SLC2A4: variants seen among roughly 807,000 people sequenced by gnomAD.
SLC2A4 encodes solute carrier family 2 member 4.
SLC2A4 carries 31 observed loss-of-function variants against 53.3 expected under a neutral mutation model. That is an observed-to-expected ratio of 0.58 (90% CI 0.44 to 0.78). The LOEUF (loss-of-function observed/expected upper bound fraction) is 0.78, where lower values mean the gene tolerates loss of function less well. SLC2A4 is among the 30% of genes least tolerant of loss of function. The pLI, the probability that SLC2A4 is intolerant of heterozygous loss-of-function variation, is 0.00. For missense variants in SLC2A4, 538 were observed against 655.7 expected (o/e 0.82, Z 1.96); for synonymous variants, 276 against 281.9 (o/e 0.98, Z 0.21).
In SLC2A4 at chr17:7,285,912, G is replaced by A. The variant is rs374027914; in HGVS notation, c.1326+4G>A. 2 of 1,610,542 alleles carry A rather than the reference G, an allele frequency of 1.2e-6. No homozygotes were observed. The highest frequency in any genetic ancestry group is 2.7e-5 in the African/African-American group (2 of 74,808). On this transcript the variant is annotated splice_donor_region_variant and intron_variant, in intron 10 of 10. Transcript: ENST00000317370. This position sits in a 1 kb window ranked among gnomAD's most constrained non-coding sequence, Gnocchi z 6.0. Reference sequence around the variant, plus strand: ...CATGGGTTTCCAGTATGTTGCGGTAGGTCCCCCCGCCCCAGCCTCCCACAC... The same window carrying A: ...CATGGGTTTCCAGTATGTTGCGGTAAGTCCCCCCGCCCCAGCCTCCCACAC...
At position 7,282,096 on chromosome 17, in the gene SLC2A4, A is replaced by G. The variant is rs1369961136; in HGVS notation, c.33+129A>G. On this transcript the variant is annotated intron_variant, in intron 1 of 10. Transcript: ENST00000317370. This position sits in a 1 kb window ranked among gnomAD's most constrained non-coding sequence, Gnocchi z 4.1. ...AGGGGGTGAAGGTAGGGGGCTGGCTATTTATACCCGGCCTGGACAACCCGT... is the reference window on the plus strand; with the variant it reads ...AGGGGGTGAAGGTAGGGGGCTGGCTGTTTATACCCGGCCTGGACAACCCGT... 6.3e-6 allele frequency: 5 copies of G among 790,668 alleles called. No homozygotes were observed. Among genetic ancestry groups the G allele is most frequent in the Non-Finnish European group, 8.6e-6 (4 of 463,572 alleles). 49.0% of individuals were successfully genotyped at this position (790,668 alleles called of 1,614,324 possible). A position where few individuals can be genotyped will look rare whatever the true frequency, so the allele number is the denominator to read the frequency against.
In SLC2A4 at chr17:7,285,619, G is replaced by C. The variant is rs546344129; in HGVS notation, c.1123-86G>C. ...CCCCCTACAAGCTGCTGCGGAGGGG[G>C]TTAGGTTTCACTTCTCTGAGTTGAG... On this transcript the variant is annotated intron_variant, in intron 9 of 10. Coordinates refer to ENST00000317370, the MANE Select transcript of SLC2A4 (RefSeq NM_001042.3). This position sits in a 1 kb window ranked among gnomAD's most constrained non-coding sequence, Gnocchi z 6.0. The C allele has an allele frequency of 1.3e-5, 18 of 1,334,464 alleles. No individual in the cohort carries two copies. Among genetic ancestry groups the C allele is most frequent in the Middle Eastern group, 1.8e-4 (1 of 5,466 alleles). 82.7% of individuals were successfully genotyped at this position (1,334,464 alleles called of 1,614,324 possible).
rs753356046 is a variant in SLC2A4, at chr17:7,283,882, C to A, written c.448+20C>A. 10 of 1,614,154 alleles carry A rather than the reference C, an allele frequency of 6.2e-6. No individual in the cohort carries two copies. The highest frequency in any genetic ancestry group is 8.5e-6 in the Non-Finnish European group (10 of 1,180,014). On this transcript the variant is annotated intron_variant, in intron 4 of 10. Coordinates refer to ENST00000317370, the MANE Select transcript of SLC2A4 (RefSeq NM_001042.3). This position sits in a 1 kb window ranked among gnomAD's most constrained non-coding sequence, Gnocchi z 5.8. ...ACTCAGGTACTCACGGGCACCACAGCCCTGCCTAGCGCCCTGTTCTCTTTC... is the reference window on the plus strand; with the variant it reads ...ACTCAGGTACTCACGGGCACCACAGACCTGCCTAGCGCCCTGTTCTCTTTC...
In SLC2A4 at chr17:7,282,558, TC is replaced by T; in HGVS notation, c.33+595del. On this transcript the variant is annotated intron_variant, in intron 1 of 10. Transcript: ENST00000317370. The surrounding 1 kb of genome is among the most constrained non-coding windows in gnomAD (Gnocchi z 4.1). ...CCCTCACACTACCTTCCTGCCCTCCTCCCCTGGGCATGGCTCTCCCAGGCAG... is the reference window on the plus strand; with the variant it reads ...CCCTCACACTACCTTCCTGCCCTCCTCCCTGGGCATGGCTCTCCCAGGCAG... 1 of 379,090 alleles carries T rather than the reference TC, an allele frequency of 2.6e-6. No homozygotes were observed. Among genetic ancestry groups the T allele is most frequent in the Non-Finnish European group, 5.3e-6 (1 of 188,938 alleles). The allele number at this position is 379,090 out of a possible 1,614,324, so 23.5% of individuals were successfully genotyped here. A position where few individuals can be genotyped will look rare whatever the true frequency, so the allele number is the denominator to read the frequency against.
In SLC2A4 at chr17:7,284,002, C is replaced by T. The variant is rs375406466; in HGVS notation, c.477C>T (p.Tyr159=). The change falls in exon 5 of 11, where the codon TAC becomes TAT. Residue 159 remains tyrosine, a synonymous_variant. Transcript: ENST00000317370. This position sits in a 1 kb window ranked among gnomAD's most constrained non-coding sequence, Gnocchi z 7.5. ...SGLTSGLVPM[Y]VGEIAPTHLR... The stretch of plus-strand genomic sequence containing the variant: ...TGACATCAGGGCTGGTGCCCATGTA[C>T]GTGGGGGAGATTGCTCCCACTCACC... 1.7e-5 allele frequency: 28 copies of T among 1,613,664 alleles called. No individual in the cohort carries two copies. Among genetic ancestry groups the T allele is most frequent in the South Asian group, 5.5e-5 (5 of 91,032 alleles).
In SLC2A4 at chr17:7,282,488, T is replaced by C. The variant is rs1597598839; in HGVS notation, c.33+521T>C. Reference sequence around the variant, plus strand: ...CCCTCCTCCAGCTCAGGTTTCCGCTTGGAGACAGTCTGTGCCGCCAGCGAG... The same window carrying C: ...CCCTCCTCCAGCTCAGGTTTCCGCTCGGAGACAGTCTGTGCCGCCAGCGAG... On this transcript the variant is annotated intron_variant, in intron 1 of 10. Coordinates refer to ENST00000317370, the MANE Select transcript of SLC2A4 (RefSeq NM_001042.3). The surrounding 1 kb of genome is among the most constrained non-coding windows in gnomAD (Gnocchi z 4.1). The C allele has an allele frequency of 2.3e-6, 1 of 442,810 alleles. No homozygotes were observed. Among genetic ancestry groups the C allele is most frequent in the East Asian group, 7.0e-5 (1 of 14,222 alleles). The allele number at this position is 442,810 out of a possible 1,614,324, so 27.4% of individuals were successfully genotyped here.
chr17:7,283,168 T>G lies in SLC2A4; in HGVS notation c.34-77T>G, dbSNP rs2072416407. 3 of 1,167,512 alleles carry G rather than the reference T, an allele frequency of 2.6e-6. No homozygotes were observed. The highest frequency in any genetic ancestry group is 2.4e-4 in the Middle Eastern group (1 of 4,254). The allele number at this position is 1,167,512 out of a possible 1,614,324, so 72.3% of individuals were successfully genotyped here. On this transcript the variant is annotated intron_variant, in intron 1 of 10. Coordinates refer to ENST00000317370, the MANE Select transcript of SLC2A4 (RefSeq NM_001042.3). This position sits in a 1 kb window ranked among gnomAD's most constrained non-coding sequence, Gnocchi z 5.8. Reference sequence around the variant, plus strand: ...GAGCCCAGTATCTTCAGGCTCCAGCTGGGCCCGGGCCCCTAGCGGAAGGAA... The same window carrying G: ...GAGCCCAGTATCTTCAGGCTCCAGCGGGGCCCGGGCCCCTAGCGGAAGGAA...
rs2072427127 is a variant in SLC2A4 at position 7,284,065 on chromosome 17, T to C, written c.540T>C (p.Ile180=). 2 of 1,613,966 alleles carry C rather than the reference T, an allele frequency of 1.2e-6. No homozygotes were observed. Among genetic ancestry groups the C allele is most frequent in the Non-Finnish European group, 1.7e-6 (2 of 1,179,930 alleles). Residue 180 remains isoleucine, a synonymous_variant, in exon 5 of 11, where the codon ATT becomes ATC. Coordinates refer to ENST00000317370, the MANE Select transcript of SLC2A4 (RefSeq NM_001042.3). This position sits in a 1 kb window ranked among gnomAD's most constrained non-coding sequence, Gnocchi z 7.5. ...GALGTLNQLA[I]VIGILIAQVL... is the part of the protein sequence containing the mutation. ...TGGGGACGCTCAACCAACTGGCCAT[T>C]GTTATCGGCATTCTGATCGCCCAGG...
Position 7,286,724 on chromosome 17 carries a change from T to C in SLC2A4, c.*95T>C, listed in dbSNP as rs2143005157. On this transcript the variant is annotated 3_prime_UTR_variant, in exon 11 of 11. Transcript: ENST00000317370. ...CACTTTAACCCTCTCTTCCCTATTA[T>C]TTCCGGGTGGAAAAGAATCCCTGCA... 8.5e-7 allele frequency: 1 copy of C among 1,175,190 alleles called. No individual in the cohort carries two copies. The highest frequency in any genetic ancestry group is 1.7e-5 in the Admixed American group (1 of 58,052). 72.8% of individuals were successfully genotyped at this position (1,175,190 alleles called of 1,614,324 possible). A position where few individuals can be genotyped will look rare whatever the true frequency, so the allele number is the denominator to read the frequency against.
In SLC2A4 at chr17:7,283,489, A is replaced by G. The variant is rs2072420155; in HGVS notation, c.167A>G (p.Tyr56Cys). The G allele has an allele frequency of 6.2e-7, 1 of 1,613,908 alleles. No individual in the cohort carries two copies. The highest frequency in any genetic ancestry group is 8.5e-7 in the Non-Finnish European group (1 of 1,179,952). ...NAPQKVIEQS[Y>C]NETWLGRQGP... ...GTCCCCCAGGTGATTGAACAGAGCT[A>G]CAATGAGACGTGGCTGGGGAGGCAG... The change falls in exon 3 of 11, where the codon TAC becomes TGC. Residue 56 changes from tyrosine (Y) to cysteine (C), a missense_variant. Physicochemically the swap from Tyr to Cys is radical, Grantham distance 194. Transcript: ENST00000317370. The surrounding 1 kb of genome is among the most constrained non-coding windows in gnomAD (Gnocchi z 5.8).
chr17:7,285,073 C>G lies in SLC2A4; in HGVS notation c.1021-15C>G. The G allele has an allele frequency of 6.2e-7, 1 of 1,606,948 alleles. No homozygotes were observed. The highest frequency in any genetic ancestry group is 1.1e-5 in the South Asian group (1 of 90,526). On this transcript the variant is annotated splice_polypyrimidine_tract_variant and intron_variant, in intron 8 of 10. Coordinates refer to ENST00000317370, the MANE Select transcript of SLC2A4 (RefSeq NM_001042.3). The surrounding 1 kb of genome is among the most constrained non-coding windows in gnomAD (Gnocchi z 6.0). ...TGCCCAAAAGGCTGGGGTCAAGCTC[C>G]GACTCTCCCCGCAGGTGTTGTTGGT...
In SLC2A4 at chr17:7,285,923, C is replaced by T. The variant is rs1333825198; in HGVS notation, c.1326+15C>T. On this transcript the variant is annotated intron_variant, in intron 10 of 10. Transcript: ENST00000317370. The surrounding 1 kb of genome is among the most constrained non-coding windows in gnomAD (Gnocchi z 6.0). ...AGTATGTTGCGGTAGGTCCCCCCGCCCCAGCCTCCCACACCGTAGGCCAGA... is the reference window on the plus strand; with the variant it reads ...AGTATGTTGCGGTAGGTCCCCCCGCTCCAGCCTCCCACACCGTAGGCCAGA... 1 of 1,606,380 alleles carries T rather than the reference C, an allele frequency of 6.2e-7. No individual in the cohort carries two copies. The highest frequency in any genetic ancestry group is 8.5e-7 in the Non-Finnish European group (1 of 1,174,286).
chr17:7,283,549 C>T lies in SLC2A4; in HGVS notation c.227C>T (p.Thr76Ile). The change falls in exon 3 of 11, where the codon ACC becomes ATC. Residue 76 changes from threonine (T) to isoleucine (I), a missense_variant. Transcript: ENST00000317370. The surrounding 1 kb of genome is among the most constrained non-coding windows in gnomAD (Gnocchi z 5.8). ...GGACCCAGCTCCATCCCTCCAGGCA[C>T]CCTCACCACCCTCTGGGCCCTCTCC... Reference protein sequence around the residue: ...PEGPSSIPPGTLTTLWALSVA... With the variant: ...PEGPSSIPPGILTTLWALSVA... The T allele has an allele frequency of 6.2e-7, 1 of 1,613,980 alleles. No homozygotes were observed. The highest frequency in any genetic ancestry group is 8.5e-7 in the Non-Finnish European group (1 of 1,179,978).
chr17:7,282,636 C>G lies in SLC2A4; in HGVS notation c.34-609C>G, dbSNP rs916931987. On this transcript the variant is annotated intron_variant, in intron 1 of 10. Transcript: ENST00000317370. The surrounding 1 kb of genome is among the most constrained non-coding windows in gnomAD (Gnocchi z 4.1). ...GAGGTTAGAGGGGGAGGGCAGGCCA[C>G]GACGTAGATAGAGAAGGCCACCCCT... is the stretch of plus-strand genomic sequence containing the variant. Among the ~76,000 whole-genome samples the G allele has an allele frequency of 6.6e-6, 1 of 152,240 alleles. No homozygotes were observed. The highest frequency in any genetic ancestry group is 1.5e-5 in the Non-Finnish European group (1 of 68,034).
Position 7,286,846 on chromosome 17 carries a change from C to A in SLC2A4, c.*217C>A. 1.8e-6 allele frequency: 1 copy of A among 552,034 alleles called. No individual in the cohort carries two copies. The highest frequency in any genetic ancestry group is 2.0e-5 in the South Asian group (1 of 50,682). 34.2% of individuals were successfully genotyped at this position (552,034 alleles called of 1,614,324 possible). A position where few individuals can be genotyped will look rare whatever the true frequency, so the allele number is the denominator to read the frequency against. ...GGATTATTTATGTGTTGTGGTTTGGCCGTGGCCATCAGGGTGGGCCACTCT... is the reference window on the plus strand; with the variant it reads ...GGATTATTTATGTGTTGTGGTTTGGACGTGGCCATCAGGGTGGGCCACTCT... On this transcript the variant is annotated 3_prime_UTR_variant, in exon 11 of 11. Coordinates refer to ENST00000317370, the MANE Select transcript of SLC2A4 (RefSeq NM_001042.3).
At chr17:7,286,054 C>T (rs896401076) in intron 10 of SLC2A4, 146 bp downstream of exon 10, 8 of 727,344 alleles carry the variant, frequency 1.1e-5, no homozygotes, top group South Asian at 1.1e-4. Context: ...TCCACAGAAT[C>T]AAAGCAAGGA....
chr17:7,283,807 T>C lies in SLC2A4; in HGVS notation c.393T>C (p.Ala131=), dbSNP rs2072424056. ...LGGSLMGLAN[A]AASYEMLILG... ...GCAGCCTCATGGGCCTGGCCAATGCTGCTGCCTCCTATGAAATGCTCATCC... is the reference window on the plus strand; with the variant it reads ...GCAGCCTCATGGGCCTGGCCAATGCCGCTGCCTCCTATGAAATGCTCATCC... Residue 131 remains alanine (A), a synonymous_variant, in exon 4 of 11, where the codon GCT becomes GCC. Transcript: ENST00000317370. The surrounding 1 kb of genome is among the most constrained non-coding windows in gnomAD (Gnocchi z 5.8). 1.2e-6 allele frequency: 2 copies of C among 1,614,066 alleles called. No homozygotes were observed. The highest frequency in any genetic ancestry group is 1.1e-5 in the South Asian group (1 of 91,074).
rs903206032 is a variant in SLC2A4 at position 7,283,275 on chromosome 17, G to A, written c.64G>A (p.Gly22Arg). The A allele has an allele frequency of 1.2e-6, 2 of 1,614,166 alleles. No homozygotes were observed. Among genetic ancestry groups the A allele is most frequent in the Non-Finnish European group, 1.7e-6 (2 of 1,180,010 alleles). The change falls in exon 2 of 11, where the codon GGG becomes AGG. Residue 22 changes from glycine (G) to arginine (R), a missense_variant. Coordinates refer to ENST00000317370, the MANE Select transcript of SLC2A4 (RefSeq NM_001042.3). This position sits in a 1 kb window ranked among gnomAD's most constrained non-coding sequence, Gnocchi z 5.8. The part of the protein sequence containing the change: ...DGEPPQQRVT[G>R]TLVLAVFSAV... ...GGAACCCCCTCAGCAGCGAGTGACTGGGACCCTGGTCCTTGCTGTGTTCTC... is the reference window on the plus strand; with the variant it reads ...GGAACCCCCTCAGCAGCGAGTGACTAGGACCCTGGTCCTTGCTGTGTTCTC...
chr17:7,281,868 G>T lies in SLC2A4; in HGVS notation c.-67G>T. On this transcript the variant is annotated 5_prime_UTR_variant, in exon 1 of 11. Coordinates refer to ENST00000317370, the MANE Select transcript of SLC2A4 (RefSeq NM_001042.3). ...CGCAGGTTCTGCGCTCCAGGCCGGA[G>T]TCAGAGACTCCAGGATCGGTTCTTT... 3 of 1,533,550 alleles carry T rather than the reference G, an allele frequency of 2.0e-6. No individual in the cohort carries two copies. Among genetic ancestry groups the T allele is most frequent in the Non-Finnish European group, 2.7e-6 (3 of 1,126,936 alleles). The allele number at this position is 1,533,550 out of a possible 1,614,324, so 95.0% of individuals were successfully genotyped here. A position where few individuals can be genotyped will look rare whatever the true frequency, so the allele number is the denominator to read the frequency against.
Sources: allele counts gnomAD v4.1 joint callset (sites outside exome capture counted in the v4.1 genomes callset), GRCh38; gene constraint gnomAD v4.1.1; non-coding constraint Gnocchi (gnomAD v3.1); transcripts MANE v1.5; gene names NCBI Gene and HGNC (gene_info 2026-07-23, HGNC 2026-07-21).